Variants in CATSPERB observed in about 807,000 individuals in gnomAD.
The protein encoded by CATSPERB is catsper channel auxiliary subunit beta.
In CATSPERB, 93 loss-of-function variants were observed where a neutral mutation model predicts 128.3. That is an observed-to-expected ratio of 0.72 (90% CI 0.61 to 0.86). The LOEUF is 0.86. Ranked by LOEUF, CATSPERB falls within the 40% of genes least tolerant of loss-of-function variation. The probability of loss-of-function intolerance (pLI) is 0.00; values close to 1 mark genes in which losing one functional copy is unlikely to be tolerated. For missense variants in CATSPERB, 1,153 were observed against 1,329.5 expected, an observed-to-expected ratio of 0.87 and a Z score of 2.06; for synonymous variants, 381 against 448.8, an observed-to-expected ratio of 0.85 and a Z score of 1.91.
intron 26 of CATSPERB, among the ~76,000 whole-genome samples, chr14:91,582,935 G>A (rs959755712): frequency 6.6e-6 from 1 of 152,232 alleles, no homozygotes; most frequent in Non-Finnish European, 1.5e-5. Context: ...GGTGCCTCCA[G>A]TGGCAGGCTC....
At chr14:91,714,283 A>G (rs1895896858) in intron 5 of CATSPERB, among the ~76,000 whole-genome samples, 1 of 127,790 alleles carries the variant, frequency 7.8e-6, no homozygotes, top group Admixed American at 8.1e-5. Context: ...AAGGCAAAAA[A>G]AAAAAAAAAG....
At chr14:91,690,541 A>T (rs1185834322) in intron 10 of CATSPERB, among the ~76,000 whole-genome samples, 1 of 152,158 alleles carries the variant, frequency 6.6e-6, no homozygotes, top group Non-Finnish European at 1.5e-5. Flanking sequence ...TTTCACTCTC[A>T]TTCTTGAGAT....
intron 2 of CATSPERB, 133 bp downstream of exon 2, chr14:91,729,268 C>A: frequency 2.2e-6 from 1 of 463,968 alleles, no homozygotes; most frequent in Non-Finnish European, 3.9e-6. Flanking sequence ...GTATAATTGA[C>A]AATATTGGGA....
At chr14:91,698,832 G>GT (rs796143232) in intron 7 of CATSPERB, among the ~76,000 whole-genome samples, 68 of 152,060 alleles carry the variant, frequency 4.5e-4, no homozygotes, top group African/African-American at 8.4e-4. Flanking sequence ...CTAATGTGTG[G>GT]TTTTTTTTAT....
At chr14:91,616,729 T>C (rs1893942622) in intron 20 of CATSPERB, among the ~76,000 whole-genome samples, 1 of 101,172 alleles carries the variant, frequency 9.9e-6, no homozygotes, top group South Asian at 3.6e-4. Context: ...TTTAAAGTAT[T>C]CCCCTTTTTT....
chr14:91,630,419 T>C (rs940644484), intron 17 of CATSPERB, among the ~76,000 whole-genome samples: 1 of 152,202 alleles, frequency 6.6e-6, no homozygotes, highest in Non-Finnish European at 1.5e-5. Flanking sequence ...AATTCATACA[T>C]CTAACTGCCA....
chr14:91,730,567 C>T (rs1230278550), intron 1 of CATSPERB, among the ~76,000 whole-genome samples: 1 of 152,134 alleles, frequency 6.6e-6, no homozygotes, highest in Non-Finnish European at 1.5e-5. Flanking sequence ...ACAGGAGGTA[C>T]TGGAGTGAGC....
At chr14:91,716,084 C>T (rs1456204383) in intron 5 of CATSPERB, among the ~76,000 whole-genome samples, 1 of 152,082 alleles carries the variant, frequency 6.6e-6, no homozygotes, top group African/African-American at 2.4e-5. Context: ...TAGCCTTCAG[C>T]AAAATTGAAA....
rs115845298 is a variant in CATSPERB, at chr14:91,714,955, G to T, written c.370+4463C>A. 789 of 153,654 alleles carry T rather than the reference G, an allele frequency of 5.1e-3. 7 individuals are homozygous for T. The highest frequency in any genetic ancestry group is 0.018 in the African/African-American group (737 of 41,574). The allele number at this position is 153,654 out of a possible 1,614,324, so 9.5% of individuals were successfully genotyped here. A position where few individuals can be genotyped will look rare whatever the true frequency, so the allele number is the denominator to read the frequency against. On this transcript the variant is annotated intron_variant, in intron 5 of 26. Coordinates refer to ENST00000256343, the MANE Select transcript of CATSPERB (RefSeq NM_024764.4). Reference sequence around the variant, plus strand: ...TTCTCTCCCTCTTCCTCTACCACAGGAAGAGAAGAATGATCATCAATGGCA... The same window carrying T: ...TTCTCTCCCTCTTCCTCTACCACAGTAAGAGAAGAATGATCATCAATGGCA...
At chr14:91,662,764 C>T (rs558149125) in intron 14 of CATSPERB, among the ~76,000 whole-genome samples, 2 of 152,330 alleles carry the variant, frequency 1.3e-5, no homozygotes, top group South Asian at 4.1e-4. Context: ...TATCGTCGTT[C>T]ATTCCTGATT....
At chr14:91,588,944 C>T (rs1306365877) in intron 24 of CATSPERB, among the ~76,000 whole-genome samples, 2 of 152,232 alleles carry the variant, frequency 1.3e-5, no homozygotes, top group Admixed American at 6.5e-5. Flanking sequence ...TAATGGCTGA[C>T]CAAAATTTCT....
intron 10 of CATSPERB, among the ~76,000 whole-genome samples, chr14:91,686,587 T>G (rs963916749): frequency 1.3e-5 from 2 of 152,144 alleles, no homozygotes; most frequent in Non-Finnish European, 2.9e-5. Context: ...GTATTTCCCC[T>G]CTCCCTCATC....
intron 20 of CATSPERB, among the ~76,000 whole-genome samples, chr14:91,612,037 T>TTTCTTTCA (rs1566703272): frequency 2.9e-5 from 3 of 101,752 alleles, no homozygotes; most frequent in African/African-American, 9.8e-5. Context: ...TCTTTCTTTC[T>TTTCTTTCA]TTCTTTCTTT....
chr14:91,718,363 G>T (rs1401310486), intron 5 of CATSPERB, among the ~76,000 whole-genome samples: 1 of 152,098 alleles, frequency 6.6e-6, no homozygotes, highest in Non-Finnish European at 1.5e-5. Context: ...TTTATCTATA[G>T]AATCTTTTCC....
intron 15 of CATSPERB, among the ~76,000 whole-genome samples, chr14:91,643,463 A>T (rs1358076020): frequency 8.6e-6 from 1 of 115,766 alleles, no homozygotes; most frequent in Non-Finnish European, 1.8e-5. Context: ...TCATTTCGTT[A>T]TGTATCCAGT....
chr14:91,580,857 G>A lies in CATSPERB; in HGVS notation c.*32C>T, dbSNP rs772959602. On this transcript the variant is annotated 3_prime_UTR_variant, in exon 27 of 27. Coordinates refer to ENST00000256343, the MANE Select transcript of CATSPERB (RefSeq NM_024764.4). ...TTCTAGGAATTGGCTGATAAAACTA[G>A]AAAATAAAGAGAAATTATGATCACC... 6.4e-7 allele frequency: 1 copy of A among 1,556,126 alleles called. No homozygotes were observed. The highest frequency in any genetic ancestry group is 8.8e-7 in the Non-Finnish European group (1 of 1,132,910).
In CATSPERB at chr14:91,634,091, G is replaced by C. The variant is rs532036274; in HGVS notation, c.1742+2334C>G. On this transcript the variant is annotated intron_variant, in intron 17 of 26. Transcript: ENST00000256343. ...TCCCCCCAAATTTAACTACAAGTAGGCTATTGTTGACTGGAAGTCTTACCA... is the reference window on the plus strand; with the variant it reads ...TCCCCCCAAATTTAACTACAAGTAGCCTATTGTTGACTGGAAGTCTTACCA... Among the ~76,000 whole-genome samples the C allele has an allele frequency of 6.6e-5, 10 of 152,198 alleles. No homozygotes were observed. The South Asian group carries it at 2.1e-3, about 32-fold the overall frequency.
chr14:91,599,209 C>T (rs934046804), intron 22 of CATSPERB, among the ~76,000 whole-genome samples: 3 of 152,136 alleles, frequency 2.0e-5, no homozygotes, highest in African/African-American at 4.8e-5. Context: ...AGAACCCCTT[C>T]GTGGTTACCA....
chr14:91,684,135 C>CA lies in CATSPERB; in HGVS notation c.865-193dup, dbSNP rs565475301. 6.3e-4 allele frequency among the ~76,000 whole-genome samples: 96 copies of CA among 152,204 alleles called. No individual in the cohort carries two copies. In the South Asian group the frequency reaches 7.9e-3, roughly 12 times the overall value. ...AGGAATATACATTTTGAACAATGCA[C>CA]AAAAAAGGCATAAAGAGAAAAGAAA... is the stretch of plus-strand genomic sequence containing the variant. On this transcript the variant is annotated intron_variant, in intron 10 of 26. Transcript: ENST00000256343.
Sources: gnomAD v4.1 joint callset for allele counts (sites outside exome capture counted in the v4.1 genomes callset) on GRCh38, gnomAD v4.1.1 for gene constraint, MANE v1.5 for transcripts, NCBI Gene and HGNC (gene_info 2026-07-23, HGNC 2026-07-21) for gene names.